SAMD4A: variants seen among roughly 807,000 people sequenced by gnomAD.
SAMD4A encodes the protein sterile alpha motif domain containing 4A.
SAMD4A carries 33 observed loss-of-function variants against 81.3 expected under a neutral mutation model. The ratio of observed to expected loss-of-function variants is 0.41; its 90% confidence interval spans 0.31 to 0.54. The LOEUF is 0.54. SAMD4A is among the 20% of genes least tolerant of loss of function. SAMD4A has a pLI of 0.37. For missense variants in SAMD4A, 854 were observed against 951.1 expected, an observed-to-expected ratio of 0.90 and a Z score of 1.34; for synonymous variants, 389 against 382.1, an observed-to-expected ratio of 1.02 and a Z score of -0.21.
rs563480903 is a variant in SAMD4A at position 54,655,069 on chromosome 14, G to C, written c.197-46993G>C. ...CTAGGATCTTAGCCTCAGCTTTGCAGATCTGAAGCTGGATTTTTATCATGT... is the reference window on the plus strand; with the variant it reads ...CTAGGATCTTAGCCTCAGCTTTGCACATCTGAAGCTGGATTTTTATCATGT... On this transcript the variant is annotated intron_variant, in intron 2 of 12. Transcript: ENST00000554335. 1.3e-3 allele frequency among the ~76,000 whole-genome samples: 195 copies of C among 152,338 alleles called. 1 individual carries two copies. The highest frequency in any genetic ancestry group is 4.4e-3 in the African/African-American group (184 of 41,580).
chr14:54,712,630 T>G (rs967681772), intron 3 of SAMD4A, among the ~76,000 whole-genome samples: 6 of 152,178 alleles, frequency 3.9e-5, no homozygotes, highest in Non-Finnish European at 1.5e-5. Context: ...GCCTAGTGTC[T>G]GTTTTCCAAG....
chr14:54,578,136 A>G (rs1240579551), intron 2 of SAMD4A, among the ~76,000 whole-genome samples: 2 of 152,236 alleles, frequency 1.3e-5, no homozygotes, highest in East Asian at 1.9e-4. Context: ...GAGATGAGGT[A>G]GGAACTGCCA....
Position 54,790,764 on chromosome 14 carries a change from T to A in SAMD4A, c.*1820T>A, listed in dbSNP as rs1189094306. 1.3e-5 allele frequency: 2 copies of A among 151,880 alleles called. No individual in the cohort carries two copies. Among genetic ancestry groups the A allele is most frequent in the South Asian group, 2.1e-4 (1 of 4,808 alleles). The allele number at this position is 151,880 out of a possible 1,614,324, so 9.4% of individuals were successfully genotyped here. A position where few individuals can be genotyped will look rare whatever the true frequency, so the allele number is the denominator to read the frequency against. ...TATGGAAATCACTGCCCTTTTTTTT[T>A]TAAAAGCTAATGAACTACATACAGA... On this transcript the variant is annotated 3_prime_UTR_variant, in exon 13 of 13. Coordinates refer to ENST00000554335, the MANE Select transcript of SAMD4A (RefSeq NM_015589.6).
intron 6 of SAMD4A, among the ~76,000 whole-genome samples, chr14:54,752,740 G>C (rs1030415044): frequency 6.6e-6 from 1 of 152,136 alleles, no homozygotes; most frequent in African/African-American, 2.4e-5. Context: ...CTCAGCATAC[G>C]AAGGACCTGC....
chr14:54,648,429 T>C (rs2035331509), intron 2 of SAMD4A, among the ~76,000 whole-genome samples: 1 of 152,226 alleles, frequency 6.6e-6, no homozygotes, highest in Non-Finnish European at 1.5e-5. Context: ...GAACAGCTCC[T>C]TTTTGCATTG....
chr14:54,653,025 T>A (rs1260774539), intron 2 of SAMD4A, among the ~76,000 whole-genome samples: 1 of 152,084 alleles, frequency 6.6e-6, no homozygotes, highest in African/African-American at 2.4e-5. Flanking sequence ...AGCCCTGTCT[T>A]CATTCATGCC....
chr14:54,729,656 AG>A (rs1418128279), intron 3 of SAMD4A, among the ~76,000 whole-genome samples: 4 of 152,238 alleles, frequency 2.6e-5, no homozygotes, highest in Non-Finnish European at 5.9e-5. Context: ...GAAACAGTAC[AG>A]GAAAGTAGAA....
rs940761459 is a variant in SAMD4A at position 54,632,694 on chromosome 14, C to A, written c.196+64582C>A. On this transcript the variant is annotated intron_variant, in intron 2 of 12. Transcript: ENST00000554335. ...CACCACAGGAATGTGTACTGGCAGG[C>A]AGTATTGCATAGAGACCAAGAACCT... 2.6e-5 allele frequency among the ~76,000 whole-genome samples: 4 copies of A among 152,270 alleles called. No homozygotes were observed. In the East Asian group the frequency reaches 7.7e-4, roughly 29 times the overall value.
intron 3 of SAMD4A, among the ~76,000 whole-genome samples, chr14:54,722,660 A>C (rs751189151): frequency 2.6e-5 from 4 of 152,186 alleles, no homozygotes; most frequent in Non-Finnish European, 5.9e-5. Flanking sequence ...TTGATTCCTT[A>C]ACTGATAAAA....
At chr14:54,626,877 T>C (rs1007960655) in intron 2 of SAMD4A, among the ~76,000 whole-genome samples, 2 of 152,210 alleles carry the variant, frequency 1.3e-5, no homozygotes, top group Non-Finnish European at 2.9e-5. Context: ...ATACCCATTT[T>C]AGAGCTGAAG....
At chr14:54,740,152 AGAGT>A (rs1156279973) in intron 4 of SAMD4A, among the ~76,000 whole-genome samples, 2 of 152,248 alleles carry the variant, frequency 1.3e-5, no homozygotes, top group African/African-American at 2.4e-5. Context: ...CCTGGGCAAC[AGAGT>A]GAGTGAGACT....
At position 54,775,033 on chromosome 14, in the gene SAMD4A, C is replaced by T. The variant is rs751788271; in HGVS notation, c.1815C>T (p.Asn605=). Residue 605 remains asparagine (N), a synonymous_variant, in exon 10 of 13, where the codon AAC becomes AAT. Transcript: ENST00000554335. ...GCCAGTACCAGATCCCCTCTCGGAACGTCCCTTCCGCCCGCCTGGGCCTCT... is the reference window on the plus strand; with the variant it reads ...GCCAGTACCAGATCCCCTCTCGGAATGTCCCTTCCGCCCGCCTGGGCCTCT... ...NPRQYQIPSR[N]VPSARLGLLG... 13 of 1,614,078 alleles carry T rather than the reference C, an allele frequency of 8.1e-6. No homozygotes were observed. Among genetic ancestry groups the T allele is most frequent in the African/African-American group, 4.0e-5 (3 of 74,932 alleles).
At chr14:54,752,413 G>A (rs1027573989) in intron 6 of SAMD4A, among the ~76,000 whole-genome samples, 1 of 152,232 alleles carries the variant, frequency 6.6e-6, no homozygotes, top group African/African-American at 2.4e-5. Flanking sequence ...GGGAAGTTCT[G>A]TGGGTATTTG....
chr14:54,702,329 C>T lies in SAMD4A; in HGVS notation c.464C>T (p.Ser155Leu), dbSNP rs1056726659. The T allele has an allele frequency of 1.1e-5, 18 of 1,613,040 alleles. No individual in the cohort carries two copies. The highest frequency in any genetic ancestry group is 4.0e-5 in the African/African-American group (3 of 74,894). Residue 155 changes from serine (S) to leucine (L), a missense_variant, in exon 3 of 13, where the codon TCG becomes TTG. Transcript: ENST00000554335. ...CTGAATCACTTGGAGGACCGCACGT[C>T]GACCAGCTTTGGTGGCCAGAACCGA... ...MWLNHLEDRT[S>L]TSFGGQNRGR...
Position 54,775,124 on chromosome 14 carries a change from C to A in SAMD4A, c.1906C>A (p.Gln636Lys), listed in dbSNP as rs1408555465. ...CACAGCTACCCCCACCATCATGAAA[C>A]AAGGAAGACAGGTTTGTTCTGCCCC... ...NTTATPTIMK[Q>K]GRQNLWFANP... Residue 636 changes from glutamine (Q) to lysine (K), a missense_variant, in exon 10 of 13, where the codon CAA becomes AAA. By Grantham distance (53) the Gln-to-Lys change is moderately conservative. This residue lies in a region of SAMD4A where 428 missense variants were observed against 471.2 expected (regional missense o/e 0.91). Transcript: ENST00000554335. 1 of 1,614,208 alleles carries A rather than the reference C, an allele frequency of 6.2e-7. No individual in the cohort carries two copies. The highest frequency in any genetic ancestry group is 8.5e-7 in the Non-Finnish European group (1 of 1,180,038).
chr14:54,785,350 C>T (rs77727038), intron 12 of SAMD4A, among the ~76,000 whole-genome samples: 1,834 of 152,362 alleles, frequency 0.012, 38 homozygotes, highest in African/African-American at 0.042. Context: ...CCCTGGGAGG[C>T]CTTCAGCTCC....
At chr14:54,619,928 A>C (rs2034576097) in intron 2 of SAMD4A, among the ~76,000 whole-genome samples, 1 of 152,056 alleles carries the variant, frequency 6.6e-6, no homozygotes, top group African/African-American at 2.4e-5. Context: ...AATTTTTTAA[A>C]GTATTGTTTA....
intron 2 of SAMD4A, among the ~76,000 whole-genome samples, chr14:54,611,150 GA>G (rs548196419): frequency 3.7e-4 from 56 of 150,392 alleles, no homozygotes; most frequent in Non-Finnish European, 7.0e-4. Context: ...GTCCTAAAGA[GA>G]AAAAAAAACC....
chr14:54,587,912 G>C (rs1021497405), intron 2 of SAMD4A, among the ~76,000 whole-genome samples: 7 of 152,134 alleles, frequency 4.6e-5, no homozygotes, highest in African/African-American at 7.2e-5. Flanking sequence ...AGAATGATTA[G>C]GGAGGATTCC....
Sources: allele counts gnomAD v4.1 joint callset (sites outside exome capture counted in the v4.1 genomes callset), GRCh38; gene constraint gnomAD v4.1.1; regional missense constraint gnomAD v4.1.1; transcripts MANE v1.5; gene names NCBI Gene and HGNC (gene_info 2026-07-23, HGNC 2026-07-21).